The following MYEF2 variants were observed in gnomAD, a reference collection of about 807,000 sequenced individuals.
MYEF2 encodes the protein myelin gene expression factor 2.
A neutral mutation model predicts 75.2 loss-of-function variants in MYEF2; 37 were observed. That is an observed-to-expected ratio of 0.49 (90% confidence interval 0.38 to 0.65). The LOEUF (loss-of-function observed/expected upper bound fraction) is 0.65, where lower values mean the gene tolerates loss of function less well. MYEF2 is among the 30% of genes least tolerant of loss of function. The pLI, the probability that MYEF2 is intolerant of heterozygous loss-of-function variation, is 0.00. For synonymous variants in MYEF2, 195 were observed against 241.6 expected, an observed-to-expected ratio of 0.81 and a Z score of 1.79; for missense variants, 634 against 771.4, an observed-to-expected ratio of 0.82 and a Z score of 2.11.
Position 48,166,036 on chromosome 15 carries a change from G to GA in MYEF2, c.432-11dup, listed in dbSNP as rs1220079802. On this transcript the variant is annotated splice_polypyrimidine_tract_variant and intron_variant, in intron 4 of 16. Coordinates refer to ENST00000324324, the MANE Select transcript of MYEF2 (RefSeq NM_016132.5). ...TTTGAATTCAACCACACTTAATAGG[G>GA]AAAAAATTTATAGGAAATGTTTATG... 1.3e-6 allele frequency: 2 copies of GA among 1,574,564 alleles called. No individual in the cohort carries two copies. Among genetic ancestry groups the GA allele is most frequent in the Admixed American group, 1.9e-5 (1 of 53,340 alleles).
intron 16 of MYEF2, among the ~76,000 whole-genome samples, chr15:48,147,067 G>C (rs904880286): frequency 6.6e-6 from 1 of 151,614 alleles, no homozygotes; most frequent in African/African-American, 2.4e-5. Flanking sequence ...AATTATAATC[G>C]AAAAAGGATT....
chr15:48,152,329 T>C (rs1358787719), intron 10 of MYEF2, 45 bp from the exon 11 acceptor site: 2 of 1,508,804 alleles, frequency 1.3e-6, no homozygotes, highest in Non-Finnish European at 1.8e-6. Flanking sequence ...ATTTTATTTT[T>C]ATGACTAAAA....
chr15:48,162,156 T>C (rs572262968), intron 5 of MYEF2, among the ~76,000 whole-genome samples: 1 of 152,000 alleles, frequency 6.6e-6, no homozygotes, highest in East Asian at 2.0e-4. Context: ...GGGATACATG[T>C]TATATGTTGG....
chr15:48,143,592 A>G (rs2039165543), intron 16 of MYEF2, among the ~76,000 whole-genome samples: 1 of 152,096 alleles, frequency 6.6e-6, no homozygotes, highest in Non-Finnish European at 1.5e-5. Context: ...CTTTGCAACC[A>G]CAGTGCCAAA....
chr15:48,142,155 G>A lies in MYEF2; in HGVS notation c.*753C>T, dbSNP rs565338261. The A allele has an allele frequency of 6.2e-7, 1 of 1,613,838 alleles. No individual in the cohort carries two copies. Among genetic ancestry groups the A allele is most frequent in the Non-Finnish European group, 8.5e-7 (1 of 1,179,902 alleles). On this transcript the variant is annotated 3_prime_UTR_variant, in exon 17 of 17. Transcript: ENST00000324324. ...TCAGCTCCTGCAGAAGTAAACAGCA[G>A]AGGACTAACTTACATAACCATCTCT...
chr15:48,153,180 T>C (rs1439804341), intron 10 of MYEF2: 1 of 152,138 alleles, frequency 6.6e-6, no homozygotes, highest in Admixed American at 6.6e-5. Context: ...AAATAGTTTA[T>C]TTTCTTAAAA....
Position 48,149,084 on chromosome 15 carries a change from C to T in MYEF2, c.1588-1G>A. 6.2e-7 allele frequency: 1 copy of T among 1,612,978 alleles called. No individual in the cohort carries two copies. The highest frequency in any genetic ancestry group is 8.5e-7 in the Non-Finnish European group (1 of 1,179,254). Reference sequence around the variant, plus strand: ...TCTGCCAAGTCAAGTCAAAAGGTAGCTAGAATGAAAAGAGGTATTAGTAAC... The same window carrying T: ...TCTGCCAAGTCAAGTCAAAAGGTAGTTAGAATGAAAAGAGGTATTAGTAAC... On this transcript the variant is annotated splice_acceptor_variant, in intron 15 of 16. Coordinates refer to ENST00000324324, the MANE Select transcript of MYEF2 (RefSeq NM_016132.5). LOFTEE classifies it high-confidence loss of function. The surrounding 1 kb of genome is among the most constrained non-coding windows in gnomAD (Gnocchi z 4.0).
intron 1 of MYEF2, among the ~76,000 whole-genome samples, chr15:48,171,621 A>T (rs1001588867): frequency 6.6e-6 from 1 of 152,118 alleles, no homozygotes; most frequent in African/African-American, 2.4e-5. Flanking sequence ...AAAGAAAAAA[A>T]ACTATAAAAG....
Position 48,134,814 on chromosome 15 carries a change from T to C in MYEF2, c.*8094A>G. Reference sequence around the variant, plus strand: ...TTAACTACAAATATATAAACAATTTTAGTATTATACTAAGGATTGTACTTG... The same window carrying C: ...TTAACTACAAATATATAAACAATTTCAGTATTATACTAAGGATTGTACTTG... On this transcript the variant is annotated 3_prime_UTR_variant, in exon 17 of 17. Coordinates refer to ENST00000324324, the MANE Select transcript of MYEF2 (RefSeq NM_016132.5). 1.7e-6 allele frequency: 2 copies of C among 1,173,162 alleles called. No homozygotes were observed. The allele number at this position is 1,173,162 out of a possible 1,614,324, so 72.7% of individuals were successfully genotyped here.
chr15:48,154,653 T>A (rs1447093974), intron 9 of MYEF2, among the ~76,000 whole-genome samples: 2 of 152,150 alleles, frequency 1.3e-5, no homozygotes, highest in African/African-American at 2.4e-5. Flanking sequence ...TCAATCTTTA[T>A]ACAAGTTAAA....
rs765262854 is a variant in MYEF2 at position 48,142,269 on chromosome 15, C to G, written c.*639G>C. 3.7e-6 allele frequency: 6 copies of G among 1,613,492 alleles called. No individual in the cohort carries two copies. The highest frequency in any genetic ancestry group is 1.7e-5 in the Admixed American group (1 of 59,988). On this transcript the variant is annotated 3_prime_UTR_variant, in exon 17 of 17. Coordinates refer to ENST00000324324, the MANE Select transcript of MYEF2 (RefSeq NM_016132.5). ...AAGTTGGGAATAGTCTGCCTATTAT[C>G]ATACTTGGGGCTTGCTACATTATCA...
rs1394158095 is a variant in MYEF2 at position 48,165,930 on chromosome 15, T to C, written c.525+3A>G. ...TTTAAATTCTAAATATGAGAAATCT[T>C]ACCTCTTTAATATTAAGGGGTCTTC... On this transcript the variant is annotated splice_donor_region_variant and intron_variant, in intron 5 of 16. Transcript: ENST00000324324. 6.7e-7 allele frequency: 1 copy of C among 1,492,256 alleles called. No individual in the cohort carries two copies. Among genetic ancestry groups the C allele is most frequent in the African/African-American group, 1.4e-5 (1 of 70,640 alleles). 92.4% of individuals were successfully genotyped at this position (1,492,256 alleles called of 1,614,324 possible).
At chr15:48,156,703 T>C (rs540419395) in intron 9 of MYEF2, among the ~76,000 whole-genome samples, 3 of 151,828 alleles carry the variant, frequency 2.0e-5, no homozygotes, top group African/African-American at 7.2e-5. Flanking sequence ...GAAAAATGTA[T>C]AAAATGTGGT....
rs751351797 is a variant in MYEF2 at position 48,158,048 on chromosome 15, C to G, written c.930G>C (p.Lys310Asn). The G allele has an allele frequency of 6.2e-7, 1 of 1,613,062 alleles. No individual in the cohort carries two copies. Among genetic ancestry groups the G allele is most frequent in the Non-Finnish European group, 8.5e-7 (1 of 1,179,378 alleles). ...DRPMHVKMDDKSVPHEEYRSH... is the reference protein window; with the variant it reads ...DRPMHVKMDDNSVPHEEYRSH... Reference sequence around the variant, plus strand: ...AACGGTACTCTTCATGAGGAACAGACTTGTCATCCTAATTGCAAGAAAGTT... The same window carrying G: ...AACGGTACTCTTCATGAGGAACAGAGTTGTCATCCTAATTGCAAGAAAGTT... Residue 310 changes from lysine (K) to asparagine (N), a missense_variant, in exon 9 of 17, where the codon AAG becomes AAC. Physicochemically the swap from Lys to Asn is moderately conservative, Grantham distance 94. Coordinates refer to ENST00000324324, the MANE Select transcript of MYEF2 (RefSeq NM_016132.5).
chr15:48,178,265 G>C lies in MYEF2; in HGVS notation c.-28C>G. ...CGCCGCCGCTGCCTCCGCCTCGGCC[G>C]CCTGAGCTGAGGGGCTCCGAGCGCG... On this transcript the variant is annotated 5_prime_UTR_variant, in exon 1 of 17. Transcript: ENST00000324324. 7.2e-7 allele frequency: 1 copy of C among 1,382,658 alleles called. No homozygotes were observed. The highest frequency in any genetic ancestry group is 4.0e-5 in the Admixed American group (1 of 25,086). The allele number at this position is 1,382,658 out of a possible 1,614,324, so 85.6% of individuals were successfully genotyped here. A position where few individuals can be genotyped will look rare whatever the true frequency, so the allele number is the denominator to read the frequency against.
chr15:48,135,045 G>T lies in MYEF2; in HGVS notation c.*7863C>A, dbSNP rs887779501. ...GATTTTATGAATTTCTGATGGTTCAGTAATTTTTTTTCAGAAATGTTATTT... is the reference window on the plus strand; with the variant it reads ...GATTTTATGAATTTCTGATGGTTCATTAATTTTTTTTCAGAAATGTTATTT... On this transcript the variant is annotated 3_prime_UTR_variant, in exon 17 of 17. Coordinates refer to ENST00000324324, the MANE Select transcript of MYEF2 (RefSeq NM_016132.5). 5 of 1,351,132 alleles carry T rather than the reference G, an allele frequency of 3.7e-6. No homozygotes were observed. The East Asian group carries it at 1.2e-4, about 32-fold the overall frequency. 83.7% of individuals were successfully genotyped at this position (1,351,132 alleles called of 1,614,324 possible).
In MYEF2 at chr15:48,134,723, G is replaced by A; in HGVS notation, c.*8185C>T. The A allele has an allele frequency of 4.1e-6, 3 of 727,648 alleles. No individual in the cohort carries two copies. In the South Asian group the frequency reaches 6.1e-5, roughly 15 times the overall value. 45.1% of individuals were successfully genotyped at this position (727,648 alleles called of 1,614,324 possible). A position where few individuals can be genotyped will look rare whatever the true frequency, so the allele number is the denominator to read the frequency against. On this transcript the variant is annotated 3_prime_UTR_variant, in exon 17 of 17. Coordinates refer to ENST00000324324, the MANE Select transcript of MYEF2 (RefSeq NM_016132.5). ...ATAGCTCTTGGTCAGATTTATGAAA[G>A]TCTGTGTAAGTTAGAACACAATTTT...
At chr15:48,155,758 A>G (rs945501202) in intron 9 of MYEF2, among the ~76,000 whole-genome samples, 2 of 144,778 alleles carry the variant, frequency 1.4e-5, no homozygotes, top group Non-Finnish European at 3.0e-5. Flanking sequence ...TGGCTCAATA[A>G]GAAATCATAA....
chr15:48,172,146 T>G (rs1013737106), intron 1 of MYEF2, among the ~76,000 whole-genome samples: 2 of 152,116 alleles, frequency 1.3e-5, no homozygotes, highest in Non-Finnish European at 2.9e-5. Context: ...ACATCTGTAA[T>G]CCCGGCACTT....
Sources: allele counts gnomAD v4.1 joint callset (sites outside exome capture counted in the v4.1 genomes callset), GRCh38; gene constraint gnomAD v4.1.1; non-coding constraint Gnocchi (gnomAD v3.1); transcripts MANE v1.5; gene names NCBI Gene and HGNC (gene_info 2026-07-23, HGNC 2026-07-21).